The following MAF variants were observed in gnomAD, a reference collection of about 807,000 sequenced individuals.
The protein encoded by MAF is MAF bZIP transcription factor, also known as transcription factor Maf.
MAF carries 10 observed loss-of-function variants against 22.0 expected under a neutral mutation model. The ratio of observed to expected loss-of-function variants is 0.45; its 90% CI spans 0.28 to 0.77. The LOEUF is 0.77. Ranked by LOEUF, MAF falls within the 30% of genes least tolerant of loss-of-function variation. The pLI is 0.12. For synonymous variants in MAF, 337 were observed against 255.8 expected (o/e 1.32, Z -3.03); for missense variants, 544 against 548.4 (o/e 0.99, Z 0.08).
chr16:79,254,369 G>GTAAAAGT, the MAF span, among the ~76,000 whole-genome samples: 1 of 151,944 alleles, frequency 6.6e-6, no homozygotes, highest in African/African-American at 2.4e-5. Flanking sequence ...ATCTCTCTAT[G>GTAAAAGT]ACTTCATATT....
chr16:79,478,014 C>A, the MAF span, among the ~76,000 whole-genome samples: 1 of 152,164 alleles, frequency 6.6e-6, no homozygotes, highest in Non-Finnish European at 1.5e-5. Flanking sequence ...AGCCACTGCG[C>A]CTGGCCGTGA....
the MAF span, among the ~76,000 whole-genome samples, chr16:79,522,647 G>C: frequency 4.6e-5 from 7 of 152,184 alleles, no homozygotes; most frequent in Non-Finnish European, 1.0e-4. Flanking sequence ...AAAGCAACCT[G>C]AATGTTGCAT....
At chr16:79,557,084 C>T in the MAF span, among the ~76,000 whole-genome samples, 1 of 151,888 alleles carries the variant, frequency 6.6e-6, no homozygotes, top group Non-Finnish European at 1.5e-5. Flanking sequence ...CAACTACAGG[C>T]TCGCACCACA....
chr16:79,456,348 G>T, the MAF span, among the ~76,000 whole-genome samples: 1 of 152,060 alleles, frequency 6.6e-6, no homozygotes, highest in African/African-American at 2.4e-5. Context: ...TATCTCCAGG[G>T]ACAAATTGTC....
the MAF span, among the ~76,000 whole-genome samples, chr16:79,233,663 T>A: frequency 6.6e-6 from 1 of 152,000 alleles, no homozygotes; most frequent in African/African-American, 2.4e-5. Flanking sequence ...GGATGTAATA[T>A]TGACATTTGA....
downstream of MAF, among the ~76,000 whole-genome samples, chr16:79,582,301 G>T (rs1017840503): frequency 1.3e-5 from 2 of 152,182 alleles, no homozygotes; most frequent in African/African-American, 4.8e-5. Context: ...GGAGATTTTG[G>T]CAGGTGACTG....
chr16:79,350,428 G>A, the MAF span, among the ~76,000 whole-genome samples: 2 of 152,176 alleles, frequency 1.3e-5, no homozygotes. Flanking sequence ...GCAGATAAAT[G>A]ACACCATTGC....
chr16:79,565,139 A>G, the MAF span, among the ~76,000 whole-genome samples: 1 of 151,970 alleles, frequency 6.6e-6, no homozygotes, highest in Non-Finnish European at 1.5e-5. Flanking sequence ...TCAGAGCCAA[A>G]TTTTCTGCTA....
the MAF span, among the ~76,000 whole-genome samples, chr16:79,213,279 C>T: frequency 6.7e-6 from 1 of 150,316 alleles, no homozygotes; most frequent in Admixed American, 6.6e-5. Context: ...GCCTCTGCAT[C>T]TGTGGTGCAG....
the MAF span, among the ~76,000 whole-genome samples, chr16:79,228,887 G>A: frequency 3.9e-5 from 6 of 151,920 alleles, no homozygotes; most frequent in African/African-American, 1.2e-4. Flanking sequence ...CAGTGAGAAT[G>A]GTACCCCAGT....
chr16:79,387,102 C>A, the MAF span, among the ~76,000 whole-genome samples: 3 of 152,144 alleles, frequency 2.0e-5, no homozygotes, highest in Admixed American at 6.5e-5. Flanking sequence ...TTATTATTAT[C>A]TTCTATTAAA....
chr16:79,319,794 G>C, the MAF span, among the ~76,000 whole-genome samples: 1 of 152,194 alleles, frequency 6.6e-6, no homozygotes, highest in Non-Finnish European at 1.5e-5. Context: ...TTATATTCCA[G>C]TTGAGGGAGA....
At chr16:79,218,698 T>C in the MAF span, among the ~76,000 whole-genome samples, 1 of 152,262 alleles carries the variant, frequency 6.6e-6, no homozygotes, top group Admixed American at 6.5e-5. Context: ...ATAAGCATTC[T>C]GTCTTTCATT....
At chr16:79,346,021 G>A in the MAF span, among the ~76,000 whole-genome samples, 12 of 151,922 alleles carry the variant, frequency 7.9e-5, no homozygotes, top group East Asian at 7.7e-4. Context: ...ATGTTTCTCC[G>A]ATAGGGCTCA....
At chr16:79,555,816 T>C in the MAF span, among the ~76,000 whole-genome samples, 2 of 152,182 alleles carry the variant, frequency 1.3e-5, no homozygotes, top group Non-Finnish European at 1.5e-5. Flanking sequence ...ATAGTATTTC[T>C]ACCAAACAGA....
the MAF span, among the ~76,000 whole-genome samples, chr16:79,486,700 G>A: frequency 6.8e-3 from 1,038 of 152,290 alleles, 13 homozygotes; most frequent in African/African-American, 0.024. Context: ...GACAGAGAGA[G>A]AGCATAAAAT....
At chr16:79,467,141 C>T in the MAF span, among the ~76,000 whole-genome samples, 5 of 152,174 alleles carry the variant, frequency 3.3e-5, no homozygotes, top group African/African-American at 1.2e-4. Flanking sequence ...AAACCCCTTA[C>T]AGTGGCCTCC....
the MAF span, among the ~76,000 whole-genome samples, chr16:79,411,237 A>AT: frequency 0.17 from 25,472 of 152,028 alleles, 2,781 homozygotes; most frequent in African/African-American, 0.3. Flanking sequence ...CTTTCTCGTT[A>AT]TTTTTTGTCC....
chr16:79,408,938 G>A, the MAF span, among the ~76,000 whole-genome samples: 11 of 122,860 alleles, frequency 9.0e-5, no homozygotes, highest in Admixed American at 9.1e-4. Flanking sequence ...GTAGAAGTAG[G>A]TATTTTTTAC....
Sources: gnomAD v4.1 joint callset for allele counts (sites outside exome capture counted in the v4.1 genomes callset) on GRCh38, gnomAD v4.1.1 for gene constraint, MANE v1.5 for transcripts, NCBI Gene and HGNC (gene_info 2026-07-23, HGNC 2026-07-21) for gene names.